Variants in PPFIBP1 observed in about 807,000 individuals in gnomAD.
PPFIBP1 encodes the protein liprin-beta-1.
PPFIBP1 carries 112 observed loss-of-function variants against 137.8 expected under a neutral mutation model. The observed-to-expected ratio is 0.81, with a 90% CI of 0.70 to 0.95. PPFIBP1 has a LOEUF of 0.95. Ranked by LOEUF, PPFIBP1 falls within the 40% of genes least tolerant of loss-of-function variation. PPFIBP1 has a pLI of 0.00. For synonymous variants in PPFIBP1, 378 were observed against 417.3 expected, an observed-to-expected ratio of 0.91 and a Z score of 1.15; for missense variants, 1,083 against 1,196.6, an observed-to-expected ratio of 0.91 and a Z score of 1.40.
intron 2 of PPFIBP1, among the ~76,000 whole-genome samples, chr12:27,613,848 C>T (rs891503320): frequency 5.9e-5 from 9 of 152,114 alleles, no homozygotes; most frequent in Admixed American, 5.2e-4. Context: ...GTTTCACCTC[C>T]TCTCTTCTTG....
Position 27,604,344 on chromosome 12 carries a change from T to C in PPFIBP1, c.-36+26105T>C, listed in dbSNP as rs76243331. Among the ~76,000 whole-genome samples the C allele has an allele frequency of 9.3e-3, 1,410 of 152,318 alleles. 29 individuals carry two copies. Among genetic ancestry groups the C allele is most frequent in the African/African-American group, 0.032 (1,348 of 41,564 alleles). The stretch of plus-strand genomic sequence containing the variant: ...GCCTGTTATAATTAATAATTAACTT[T>C]AATTTAATTAGAGAATTGAGGATGA... On this transcript the variant is annotated intron_variant, in intron 2 of 29. Coordinates refer to ENST00000228425, the MANE Select transcript of PPFIBP1 (RefSeq NM_003622.4).
chr12:27,595,034 A>C (rs1313883007), intron 2 of PPFIBP1, among the ~76,000 whole-genome samples: 1 of 152,222 alleles, frequency 6.6e-6, no homozygotes, highest in Non-Finnish European at 1.5e-5. Context: ...ATCTTTGACT[A>C]TGACCCTTAT....
intron 1 of PPFIBP1, among the ~76,000 whole-genome samples, chr12:27,564,122 C>T (rs1344394793): frequency 2.0e-5 from 3 of 152,144 alleles, no homozygotes; most frequent in African/African-American, 7.2e-5. Context: ...CCGCCTGCCT[C>T]GGCCTCCCAA....
chr12:27,692,551 G>T, intron 28 of PPFIBP1, 40 bp from the exon 29 acceptor site: 1 of 1,593,710 alleles, frequency 6.3e-7, no homozygotes, highest in Non-Finnish European at 8.6e-7. Flanking sequence ...CCCTGAAATT[G>T]TGAAAACACT....
chr12:27,587,497 C>A (rs2051913138), intron 2 of PPFIBP1, among the ~76,000 whole-genome samples: 1 of 151,508 alleles, frequency 6.6e-6, no homozygotes, highest in Non-Finnish European at 1.5e-5. Flanking sequence ...GTGGCGGGCG[C>A]CTGTAGTCCC....
intron 2 of PPFIBP1, among the ~76,000 whole-genome samples, chr12:27,584,967 T>G (rs2051558205): frequency 6.6e-6 from 1 of 152,234 alleles, no homozygotes; most frequent in South Asian, 2.1e-4. Context: ...AGGAATCTCA[T>G]GCATCATTTT....
chr12:27,557,859 C>G (rs1429622070), intron 1 of PPFIBP1, among the ~76,000 whole-genome samples: 1 of 152,140 alleles, frequency 6.6e-6, no homozygotes. Flanking sequence ...ATGTGAACTT[C>G]CTTATATTTA....
At chr12:27,645,380 G>A (rs543560732) in intron 4 of PPFIBP1, among the ~76,000 whole-genome samples, 5 of 152,164 alleles carry the variant, frequency 3.3e-5, no homozygotes, top group African/African-American at 4.8e-5. Flanking sequence ...TCTATACATC[G>A]TTTCTCAATC....
chr12:27,659,436 T>G (rs1319988441), intron 10 of PPFIBP1, among the ~76,000 whole-genome samples: 3 of 121,122 alleles, frequency 2.5e-5, no homozygotes, highest in Non-Finnish European at 5.3e-5. Context: ...CATAGTGAGA[T>G]CCTGTCTCTA....
intron 1 of PPFIBP1, among the ~76,000 whole-genome samples, chr12:27,554,970 A>C (rs2048594008): frequency 6.6e-6 from 1 of 151,872 alleles, no homozygotes; most frequent in South Asian, 2.1e-4. Context: ...CTGCTTGCCA[A>C]GCAGAAGAAG....
At chr12:27,603,050 T>A (rs557237001) in intron 2 of PPFIBP1, among the ~76,000 whole-genome samples, 1 of 152,352 alleles carries the variant, frequency 6.6e-6, no homozygotes, top group South Asian at 2.1e-4. Context: ...TCAAGGCTCC[T>A]ACATACTTTG....
At chr12:27,644,361 A>G (rs2058332747) in intron 4 of PPFIBP1, among the ~76,000 whole-genome samples, 1 of 150,768 alleles carries the variant, frequency 6.6e-6, no homozygotes, top group African/African-American at 2.4e-5. Context: ...AATTACAGGT[A>G]TGCACCACCA....
intron 1 of PPFIBP1, among the ~76,000 whole-genome samples, chr12:27,566,293 GA>G (rs1238986991): frequency 6.6e-6 from 1 of 152,090 alleles, no homozygotes; most frequent in Non-Finnish European, 1.5e-5. Flanking sequence ...GATAGTCAAA[GA>G]AAAAACTATG....
intron 1 of PPFIBP1, among the ~76,000 whole-genome samples, chr12:27,559,302 G>A (rs1296150742): frequency 6.6e-6 from 1 of 151,986 alleles, no homozygotes; most frequent in East Asian, 1.9e-4. Flanking sequence ...CTGAGTAGCT[G>A]GGACTACAGG....
intron 1 of PPFIBP1, among the ~76,000 whole-genome samples, chr12:27,551,614 G>T (rs1946785192): frequency 6.6e-6 from 1 of 152,162 alleles, no homozygotes; most frequent in African/African-American, 2.4e-5. Context: ...TGAACAGCTG[G>T]GTATTCTTCC....
chr12:27,563,791 T>C (rs140400924), intron 1 of PPFIBP1, among the ~76,000 whole-genome samples: 256 of 152,236 alleles, frequency 1.7e-3, no homozygotes, highest in African/African-American at 5.9e-3. Context: ...GGTTTTTTTG[T>C]TTTTTAACAT....
At position 27,679,967 on chromosome 12, in the gene PPFIBP1, G is replaced by A; in HGVS notation, c.1801G>A (p.Asp601Asn). Reference sequence around the variant, plus strand: ...AAGTCAATCAACTACATTCAACCCAGATGACATGTCTGAGCCTGAATTCAA... The same window carrying A: ...AAGTCAATCAACTACATTCAACCCAAATGACATGTCTGAGCCTGAATTCAA... The part of the protein sequence containing the change: ...RRSQSTTFNP[D>N]DMSEPEFKRG... The change falls in exon 21 of 30, where the codon GAT (aspartate) becomes AAT (asparagine). Residue 601 changes from aspartate to asparagine, a missense_variant. Transcript: ENST00000228425. 6.2e-7 allele frequency: 1 copy of A among 1,614,136 alleles called. No homozygotes were observed. The highest frequency in any genetic ancestry group is 1.6e-4 in the Middle Eastern group (1 of 6,062).
Position 27,581,055 on chromosome 12 carries a change from C to T in PPFIBP1, c.-36+2816C>T, listed in dbSNP as rs558534241. Among the ~76,000 whole-genome samples the T allele has an allele frequency of 3.3e-5, 5 of 152,110 alleles. 1 individual carries two copies. Among genetic ancestry groups the T allele is most frequent in the South Asian group, 2.1e-4 (1 of 4,798 alleles). ...GACTACAGGCGTGTGCCATCATGCCCGGCTAGTTTTTAAATTTTTTGTGGA... is the reference window on the plus strand; with the variant it reads ...GACTACAGGCGTGTGCCATCATGCCTGGCTAGTTTTTAAATTTTTTGTGGA... On this transcript the variant is annotated intron_variant, in intron 2 of 29. Coordinates refer to ENST00000228425, the MANE Select transcript of PPFIBP1 (RefSeq NM_003622.4).
chr12:27,590,934 C>T (rs2137273457), intron 2 of PPFIBP1, among the ~76,000 whole-genome samples: 1 of 152,268 alleles, frequency 6.6e-6, no homozygotes, highest in East Asian at 1.9e-4. Flanking sequence ...AGTTGGGGAA[C>T]AGGAAGCCTT....
Sources: gnomAD v4.1 joint callset for allele counts (sites outside exome capture counted in the v4.1 genomes callset) on GRCh38, gnomAD v4.1.1 for gene constraint, MANE v1.5 for transcripts, NCBI Gene and HGNC (gene_info 2026-07-23, HGNC 2026-07-21) for gene names.